GRID2: variants seen among roughly 807,000 people sequenced by gnomAD.
The protein encoded by GRID2 is glutamate ionotropic receptor delta type subunit 2.
GRID2 carries 33 observed loss-of-function variants against 114.8 expected under a neutral mutation model. The observed-to-expected ratio is 0.29, with a 90% CI of 0.22 to 0.38. The LOEUF (loss-of-function observed/expected upper bound fraction) is 0.38. Among genes scored for constraint, GRID2 ranks in the 10% least tolerant of loss-of-function variants. The probability of loss-of-function intolerance (pLI) is 1.00; values close to 1 mark genes in which losing one functional copy is unlikely to be tolerated. For synonymous variants in GRID2, 505 were observed against 449.9 expected, an observed-to-expected ratio of 1.12 and a Z score of -1.55; for missense variants, 1,184 against 1,257.7, an observed-to-expected ratio of 0.94 and a Z score of 0.89.
chr4:93,757,579 T>C (rs1469921570), intron 14 of GRID2, among the ~76,000 whole-genome samples: 1 of 152,250 alleles, frequency 6.6e-6, no homozygotes, highest in Non-Finnish European at 1.5e-5. Flanking sequence ...ATTCCGGGCA[T>C]GTGACCACCC....
chr4:93,488,430 C>A (rs1401320504), intron 11 of GRID2, among the ~76,000 whole-genome samples: 1 of 151,744 alleles, frequency 6.6e-6, no homozygotes, highest in East Asian at 2.0e-4. Flanking sequence ...ACTTACCCCA[C>A]GTATAAAATT....
chr4:92,405,749 C>T (rs1579307333), intron 1 of GRID2, among the ~76,000 whole-genome samples: 2 of 151,500 alleles, frequency 1.3e-5, no homozygotes, highest in East Asian at 3.9e-4. Flanking sequence ...ACAACTATTT[C>T]ATGAGGTCTT....
chr4:93,085,132 A>G lies in GRID2; in HGVS notation c.382A>G (p.Arg128Gly). Residue 128 changes from arginine (R) to glycine (G), a missense_variant, in exon 3 of 16, where the codon AGG (arginine) becomes GGG (glycine). Around this residue, in one of 3 missense-constraint regions of GRID2, gnomAD observed 455 missense variants for 429.5 expected, o/e 1.06. Transcript: ENST00000282020. ...TCAGCGCTCAACAGCTGGGACCCCA[A>G]GGAGTGGCTGTGGACTCACCCGGAG... ...FIQRSTAGTPRSGCGLTRSNR... is the reference protein window; with the variant it reads ...FIQRSTAGTPGSGCGLTRSNR... 1 of 1,614,138 alleles carries G rather than the reference A, an allele frequency of 6.2e-7. No individual in the cohort carries two copies. Among genetic ancestry groups the G allele is most frequent in the Non-Finnish European group, 8.5e-7 (1 of 1,180,022 alleles).
intron 1 of GRID2, among the ~76,000 whole-genome samples, chr4:92,449,016 T>C (rs1251982549): frequency 6.6e-6 from 1 of 152,102 alleles, no homozygotes; most frequent in African/African-American, 2.4e-5. Flanking sequence ...TTCTACATTA[T>C]TACCTATTTC....
chr4:92,539,974 C>A (rs975942568), intron 1 of GRID2, among the ~76,000 whole-genome samples: 5 of 151,932 alleles, frequency 3.3e-5, no homozygotes, highest in Admixed American at 3.3e-4. Flanking sequence ...CAGAACAGAA[C>A]CCTCAGAAAT....
chr4:93,711,316 TCTC>T (rs1223289508), intron 14 of GRID2, among the ~76,000 whole-genome samples: 2 of 152,126 alleles, frequency 1.3e-5, no homozygotes, highest in Non-Finnish European at 2.9e-5. Context: ...AGGAAATCCT[TCTC>T]CTAAAGGCAG....
intron 1 of GRID2, among the ~76,000 whole-genome samples, chr4:92,546,148 C>A (rs1482504110): frequency 2.6e-5 from 4 of 152,206 alleles, no homozygotes; most frequent in Admixed American, 2.0e-4. Flanking sequence ...GCTGCTCAAC[C>A]TTTACAATGT....
At chr4:92,753,746 T>G (rs1737570687) in intron 2 of GRID2, among the ~76,000 whole-genome samples, 1 of 152,066 alleles carries the variant, frequency 6.6e-6, no homozygotes. Context: ...TACTGTCAGT[T>G]TGAGGAAAGA....
intron 4 of GRID2, among the ~76,000 whole-genome samples, chr4:93,123,606 T>C (rs1733992485): frequency 6.6e-6 from 1 of 152,060 alleles, no homozygotes; most frequent in African/African-American, 2.4e-5. Flanking sequence ...TGCAAAATAA[T>C]AAAACCATAA....
At chr4:93,014,648 A>G (rs1454067887) in intron 2 of GRID2, among the ~76,000 whole-genome samples, 1 of 152,186 alleles carries the variant, frequency 6.6e-6, no homozygotes, top group East Asian at 1.9e-4. Flanking sequence ...GGCCAATATA[A>G]TATTAATGAG....
chr4:92,859,714 G>C (rs545869560), intron 2 of GRID2, among the ~76,000 whole-genome samples: 1 of 152,152 alleles, frequency 6.6e-6, no homozygotes, highest in Non-Finnish European at 1.5e-5. Context: ...AGAGAATAAA[G>C]GGTTTCTTTA....
chr4:93,716,786 A>T (rs1489732965), intron 14 of GRID2, among the ~76,000 whole-genome samples: 2 of 152,064 alleles, frequency 1.3e-5, no homozygotes, highest in Non-Finnish European at 2.9e-5. Flanking sequence ...ATTTCTTTTC[A>T]ATTTCAACAT....
At chr4:93,135,960 A>T (rs946852213) in intron 4 of GRID2, among the ~76,000 whole-genome samples, 1 of 152,182 alleles carries the variant, frequency 6.6e-6, no homozygotes, top group Non-Finnish European at 1.5e-5. Flanking sequence ...AATTTCCATC[A>T]TTTTATCCAT....
At chr4:93,658,178 A>G (rs1445388669) in intron 14 of GRID2, among the ~76,000 whole-genome samples, 2 of 152,204 alleles carry the variant, frequency 1.3e-5, no homozygotes, top group African/African-American at 4.8e-5. Flanking sequence ...AATAAACCCT[A>G]TCATTTTAGA....
At chr4:92,908,579 AAGC>A (rs1578439674) in intron 2 of GRID2, among the ~76,000 whole-genome samples, 1 of 151,518 alleles carries the variant, frequency 6.6e-6, no homozygotes, top group Non-Finnish European at 1.5e-5. Flanking sequence ...AAAAAAAAAA[AAGC>A]AGCCATTACT....
chr4:93,286,712 T>G (rs1364096397), intron 8 of GRID2, among the ~76,000 whole-genome samples: 1 of 143,566 alleles, frequency 7.0e-6, no homozygotes, highest in Non-Finnish European at 1.5e-5. Flanking sequence ...TGTGTGTGTG[T>G]GTGTGTGTAT....
At chr4:92,356,536 A>T (rs1290053116) in intron 1 of GRID2, among the ~76,000 whole-genome samples, 1 of 151,674 alleles carries the variant, frequency 6.6e-6, no homozygotes. Context: ...ACATATATGT[A>T]TTAACCATAT....
intron 2 of GRID2, among the ~76,000 whole-genome samples, chr4:92,639,299 A>T (rs2149252031): frequency 6.6e-6 from 1 of 151,880 alleles, no homozygotes; most frequent in South Asian, 2.1e-4. Context: ...TTATATATAG[A>T]TCTTATGTAT....
chr4:93,224,712 A>T lies in GRID2; in HGVS notation c.1062A>T (p.Ser354=). 3 of 1,612,932 alleles carry T rather than the reference A, an allele frequency of 1.9e-6. No homozygotes were observed. The highest frequency in any genetic ancestry group is 1.7e-6 in the Non-Finnish European group (2 of 1,179,154). The change falls in exon 7 of 16, where the codon TCA becomes TCT. Residue 354 remains serine (S), a synonymous_variant. Coordinates refer to ENST00000282020, the MANE Select transcript of GRID2 (RefSeq NM_001510.4). The stretch of plus-strand genomic sequence containing the variant: ...AGTGGCACAGCATGGCAAGTCTGTC[A>T]TGTATCAGAAAGAACTCAAAGCCCT... ...DRKWHSMASL[S]CIRKNSKPWQ... is the part of the protein sequence containing the mutation.
Sources: gnomAD v4.1 joint callset for allele counts (sites outside exome capture counted in the v4.1 genomes callset) on GRCh38, gnomAD v4.1.1 for gene constraint, gnomAD v4.1.1 regional missense constraint, MANE v1.5 for transcripts, NCBI Gene and HGNC (gene_info 2026-07-23, HGNC 2026-07-21) for gene names.